The following TMEM106A variants were observed in gnomAD, a reference collection of about 807,000 sequenced individuals.
TMEM106A encodes the protein transmembrane protein 106A.
A neutral mutation model predicts 25.1 loss-of-function variants in TMEM106A; 22 were observed. That is an observed-to-expected ratio of 0.88 (90% CI 0.63 to 1.25). The LOEUF (loss-of-function observed/expected upper bound fraction) is 1.25. TMEM106A is among the 50% of genes most tolerant of loss of function. The probability of loss-of-function intolerance (pLI) is 0.00; values close to 1 mark genes in which losing one functional copy is unlikely to be tolerated. For missense variants in TMEM106A, 275 were observed against 318.1 expected (o/e 0.86, Z 1.03); for synonymous variants, 104 against 129.9 (o/e 0.80, Z 1.35).
Position 43,219,733 on chromosome 17 carries a change from A to AC in TMEM106A, c.*1932_*1933insC, listed in dbSNP as rs1491270093. ...GGCAACAAGGGCGAGACTCTGTCTCAAAAAAAAAAAAAAAAAAAGATGGCT... is the reference window on the plus strand; with the variant it reads ...GGCAACAAGGGCGAGACTCTGTCTCACAAAAAAAAAAAAAAAAAAGATGGCT... On this transcript the variant is annotated 3_prime_UTR_variant, in exon 9 of 9. Coordinates refer to ENST00000612339, the MANE Select transcript of TMEM106A (RefSeq NM_145041.4). 1 of 12,852 alleles carries AC rather than the reference A, an allele frequency of 7.8e-5. No individual in the cohort carries two copies. Among genetic ancestry groups the AC allele is most frequent in the East Asian group, 0.1 (1 of 10 alleles). 0.8% of individuals were successfully genotyped at this position (12,852 alleles called of 1,614,324 possible).
intron 8 of TMEM106A, 99 bp from the exon 9 acceptor site, chr17:43,217,582 A>G: frequency 6.5e-7 from 1 of 1,541,450 alleles, no homozygotes; most frequent in East Asian, 2.3e-5. Flanking sequence ...GGGAAGGGCA[A>G]ATGAGGGAGC....
chr17:43,217,871 TAAGG>T lies in TMEM106A; in HGVS notation c.*76_*79del. 6.2e-7 allele frequency: 1 copy of T among 1,602,872 alleles called. No homozygotes were observed. The highest frequency in any genetic ancestry group is 8.5e-7 in the Non-Finnish European group (1 of 1,174,038). On this transcript the variant is annotated 3_prime_UTR_variant, in exon 9 of 9. Transcript: ENST00000612339. ...ATATCTCCCACAACTCCCTGGTGAC[TAAGG>T]AAGGACTACAGAGGCTTTGCCAAAG...
chr17:43,213,222 A>C lies in TMEM106A; in HGVS notation c.181A>C (p.Thr61Pro). ...TGATGCCAGCTTCGTGACTTGTCCC[A>C]CCTGCCAGGGCAGTGGCAAGATTCC... is the stretch of plus-strand genomic sequence containing the variant. Reference protein sequence around the residue: ...TADASFVTCPTCQGSGKIPQE... With the variant: ...TADASFVTCPPCQGSGKIPQE... The change falls in exon 3 of 9, where the codon ACC becomes CCC. Residue 61 changes from threonine to proline, a missense_variant. Thr to Pro is a conservative substitution (Grantham distance 38). Transcript: ENST00000612339. 2 of 1,614,146 alleles carry C rather than the reference A, an allele frequency of 1.2e-6. No individual in the cohort carries two copies. Among genetic ancestry groups the C allele is most frequent in the Non-Finnish European group, 1.7e-6 (2 of 1,180,022 alleles).
Position 43,214,984 on chromosome 17 carries a change from A to C in TMEM106A, c.276-804A>C, listed in dbSNP as rs535998313. On this transcript the variant is annotated intron_variant, in intron 4 of 8. Coordinates refer to ENST00000612339, the MANE Select transcript of TMEM106A (RefSeq NM_145041.4). ...GAAAAAAAAAAAAAAACAAAAAAAAACCCTGTAATCCCAGCACTTTGGGAG... is the reference window on the plus strand; with the variant it reads ...GAAAAAAAAAAAAAAACAAAAAAAACCCCTGTAATCCCAGCACTTTGGGAG... Among the ~76,000 whole-genome samples the C allele has an allele frequency of 7.0e-4, 102 of 145,992 alleles. 1 individual carries two copies. Among genetic ancestry groups the C allele is most frequent in the East Asian group, 1.0e-3 (5 of 4,932 alleles).
At chr17:43,217,182 G>C (rs1192934432) in intron 7 of TMEM106A, 77 bp from the exon 8 acceptor site, 3 of 1,464,866 alleles carry the variant, frequency 2.0e-6, no homozygotes, top group Non-Finnish European at 1.9e-6. Flanking sequence ...AGGAAACTGG[G>C]ACCTGCAGGC....
At chr17:43,217,606 C>T (rs1289070986) in intron 8 of TMEM106A, 75 bp from the exon 9 acceptor site, 1 of 1,589,650 alleles carries the variant, frequency 6.3e-7, no homozygotes, top group African/African-American at 1.3e-5. Context: ...CCGCTCCCCA[C>T]CCCCAGACAG....
Position 43,217,289 on chromosome 17 carries a change from C to A in TMEM106A, c.645C>A (p.Val215=), listed in dbSNP as rs769475458. 73 of 1,614,218 alleles carry A rather than the reference C, an allele frequency of 4.5e-5. 1 individual carries two copies. The South Asian group carries it at 7.7e-4, about 17-fold the overall frequency. The change falls in exon 8 of 9, where the codon GTC becomes GTA. Residue 215 remains valine, a synonymous_variant. Coordinates refer to ENST00000612339, the MANE Select transcript of TMEM106A (RefSeq NM_145041.4). ...TCTGTACCTGGCTGGAAATCAAAGT[C>A]CACCATGTGCTTTTGCACATCCAGT... The part of the protein sequence containing the change: ...YKICTWLEIK[V]HHVLLHIQGT...
At position 43,219,947 on chromosome 17, in the gene TMEM106A, C is replaced by T. The variant is rs966009388; in HGVS notation, c.*2146C>T. On this transcript the variant is annotated 3_prime_UTR_variant, in exon 9 of 9. Coordinates refer to ENST00000612339, the MANE Select transcript of TMEM106A (RefSeq NM_145041.4). ...GTGGTGTTGGCAAGAGCGCAAAAGT[C>T]CAGGGAAGCCAGGCTGGAGCTGCTG... is the stretch of plus-strand genomic sequence containing the variant. 4 of 152,168 alleles carry T rather than the reference C, an allele frequency of 2.6e-5. No individual in the cohort carries two copies. Among genetic ancestry groups the T allele is most frequent in the African/African-American group, 7.3e-5 (3 of 41,364 alleles). 9.4% of individuals were successfully genotyped at this position (152,168 alleles called of 1,614,324 possible).
intron 4 of TMEM106A, among the ~76,000 whole-genome samples, chr17:43,214,964 A>C (rs567596237): frequency 6.6e-6 from 1 of 150,776 alleles, no homozygotes; most frequent in South Asian, 2.1e-4. Flanking sequence ...CATCTGAAAA[A>C]AAAAAAAAAA....
At chr17:43,214,974 AC>A (rs1208623801) in intron 4 of TMEM106A, among the ~76,000 whole-genome samples, 2 of 147,306 alleles carry the variant, frequency 1.4e-5, no homozygotes, top group Non-Finnish European at 3.0e-5. Context: ...AAAAAAAAAA[AC>A]AAAAAAAAAC....
rs751722371 is a variant in TMEM106A at position 43,213,150 on chromosome 17, G to A, written c.109G>A (p.Gly37Ser). The change falls in exon 3 of 9, where the codon GGT becomes AGT. Residue 37 changes from glycine to serine, a missense_variant. By Grantham distance (56) the Gly-to-Ser change is moderately conservative. Transcript: ENST00000612339. ...CAAGGCTGTCAACTACTCCAGCACC[G>A]GTAGCAGCAAGTCTTTTTGTTCCTG... ...GSKAVNYSST[G>S]SSKSFCSCVP... 6 of 1,614,152 alleles carry A rather than the reference G, an allele frequency of 3.7e-6. No homozygotes were observed. Among genetic ancestry groups the A allele is most frequent in the East Asian group, 4.5e-5 (2 of 44,884 alleles).
At chr17:43,217,387 C>CAG (rs980150348) in intron 8 of TMEM106A, 75 bp downstream of exon 8, 11 of 1,538,876 alleles carry the variant, frequency 7.1e-6, no homozygotes, top group Middle Eastern at 1.7e-4. Flanking sequence ...ACCTCATGGG[C>CAG]AGAGAGTCTT....
intron 4 of TMEM106A, among the ~76,000 whole-genome samples, chr17:43,214,960 A>T (rs549341696): frequency 7.4e-6 from 1 of 134,612 alleles, no homozygotes; most frequent in Non-Finnish European, 1.6e-5. Context: ...GCCTCATCTG[A>T]AAAAAAAAAA....
Position 43,216,456 on chromosome 17 carries a change from T to TA in TMEM106A, c.440dup (p.Asn147LysfsTer43). 2 of 1,614,130 alleles carry TA rather than the reference T, an allele frequency of 1.2e-6. No individual in the cohort carries two copies. Among genetic ancestry groups the TA allele is most frequent in the African/African-American group, 2.7e-5 (2 of 75,042 alleles). On this transcript the variant is annotated frameshift_variant, in exon 6 of 9. Transcript: ENST00000612339. LOFTEE classifies it high-confidence loss of function. ...CCTTGTCTTCATCCCCAGAATATCT[T>TA]AAACATCTCCAATGGCAACTACTAC...
intron 4 of TMEM106A, chr17:43,214,144 A>T: frequency 3.3e-6 from 1 of 306,784 alleles, no homozygotes; most frequent in Non-Finnish European, 6.1e-6. Flanking sequence ...TGAGCTCAGG[A>T]GTTCAAGACC....
At position 43,217,679 on chromosome 17, in the gene TMEM106A, A is replaced by G. The variant is rs1412205670; in HGVS notation, c.669-2A>G. On this transcript the variant is annotated splice_acceptor_variant, in intron 8 of 8. Coordinates refer to ENST00000612339, the MANE Select transcript of TMEM106A (RefSeq NM_145041.4). LOFTEE classifies it high-confidence loss of function. ...TGGCAACAAGGCCTGCTTCCTCTCCAGGGGCACCCTGACCTGTTCATACCT... is the reference window on the plus strand; with the variant it reads ...TGGCAACAAGGCCTGCTTCCTCTCCGGGGGCACCCTGACCTGTTCATACCT... 1.9e-6 allele frequency: 3 copies of G among 1,613,920 alleles called. No homozygotes were observed. Among genetic ancestry groups the G allele is most frequent in the Non-Finnish European group, 2.5e-6 (3 of 1,179,952 alleles).
chr17:43,213,367 T>A, intron 3 of TMEM106A, 115 bp downstream of exon 3: 1 of 1,102,682 alleles, frequency 9.1e-7, no homozygotes, highest in Non-Finnish European at 1.3e-6. Context: ...CTCCCAGCTC[T>A]TGACCTCCCA....
In TMEM106A at chr17:43,219,504, T is replaced by C. The variant is rs1215191378; in HGVS notation, c.*1703T>C. ...GTCCCAGCTACTCAGGAAGCTGAGG[T>C]GAGAGGATCTCTAGAGCCCAGGAAT... is the stretch of plus-strand genomic sequence containing the variant. On this transcript the variant is annotated 3_prime_UTR_variant, in exon 9 of 9. Transcript: ENST00000612339. 2 of 151,556 alleles carry C rather than the reference T, an allele frequency of 1.3e-5. No individual in the cohort carries two copies. Among genetic ancestry groups the C allele is most frequent in the Non-Finnish European group, 2.9e-5 (2 of 67,948 alleles). The allele number at this position is 151,556 out of a possible 1,614,324, so 9.4% of individuals were successfully genotyped here.
intron 4 of TMEM106A, 36 bp downstream of exon 4, chr17:43,213,927 T>G (rs2154582567): frequency 6.2e-7 from 1 of 1,610,390 alleles, no homozygotes; most frequent in Non-Finnish European, 8.5e-7. Flanking sequence ...TCACAAGCCA[T>G]TGCCCCTGGG....
Sources: allele counts gnomAD v4.1 joint callset (sites outside exome capture counted in the v4.1 genomes callset), GRCh38; gene constraint gnomAD v4.1.1; transcripts MANE v1.5; gene names NCBI Gene and HGNC (gene_info 2026-07-23, HGNC 2026-07-21).